The following KATNBL1 variants were observed in gnomAD, a reference collection of about 807,000 sequenced individuals.
KATNBL1 encodes the protein KATNB1-like protein 1.
Under a neutral mutation model 44.7 loss-of-function variants are expected in KATNBL1, and 28 were observed. The observed-to-expected ratio is 0.63, with a 90% CI of 0.46 to 0.86. KATNBL1 has a LOEUF of 0.86. Among genes scored for constraint, KATNBL1 ranks in the 40% least tolerant of loss-of-function variants. KATNBL1 has a pLI of 0.00. For synonymous variants in KATNBL1, 78 were observed against 114.9 expected (o/e 0.68, Z 2.06); for missense variants, 272 against 350.7 (o/e 0.78, Z 1.79).
chr15:34,182,731 C>T lies in KATNBL1; in HGVS notation c.-14-19041G>A, dbSNP rs189709198. On this transcript the variant is annotated intron_variant, in intron 1 of 9. Transcript: ENST00000256544. ...CTGGATAAGTCTCAAATGCATTATA[C>T]TAAGTGAAAGAAGCCAGATTCGAAA... Among the ~76,000 whole-genome samples, 83 of 152,194 alleles carry T rather than the reference C, an allele frequency of 5.5e-4. 2 individuals are homozygous for T. The highest frequency in any genetic ancestry group is 3.4e-3 in the Middle Eastern group (1 of 294).
At chr15:34,155,301 T>C (rs1439061461) in intron 2 of KATNBL1, among the ~76,000 whole-genome samples, 1 of 152,164 alleles carries the variant, frequency 6.6e-6, no homozygotes, top group Non-Finnish European at 1.5e-5. Context: ...GCTGTTCTGC[T>C]TGGTTTTCTA....
At chr15:34,187,309 A>C (rs1889745283) in intron 1 of KATNBL1, among the ~76,000 whole-genome samples, 1 of 152,174 alleles carries the variant, frequency 6.6e-6, no homozygotes, top group Non-Finnish European at 1.5e-5. Flanking sequence ...ACTCAACTGG[A>C]CGACCTGCCT....
chr15:34,206,627 C>A (rs1056737689), intron 1 of KATNBL1, among the ~76,000 whole-genome samples: 1 of 152,030 alleles, frequency 6.6e-6, no homozygotes, highest in African/African-American at 2.4e-5. Context: ...CCCGTCTCAA[C>A]TAAAAATACA....
At chr15:34,174,148 G>C (rs1889253855) in intron 1 of KATNBL1, among the ~76,000 whole-genome samples, 1 of 152,090 alleles carries the variant, frequency 6.6e-6, no homozygotes. Flanking sequence ...TCAAAATACA[G>C]GTAAAGAAAC....
chr15:34,145,280 C>G (rs1247061180), intron 9 of KATNBL1, 118 bp downstream of exon 9: 2 of 1,429,558 alleles, frequency 1.4e-6, no homozygotes, highest in Non-Finnish European at 1.9e-6. Context: ...ATGAAATTGA[C>G]TTTAGACATT....
chr15:34,151,942 CTT>C (rs57229186), intron 4 of KATNBL1, among the ~76,000 whole-genome samples: 39 of 139,388 alleles, frequency 2.8e-4, no homozygotes, highest in Admixed American at 3.6e-4. Context: ...CGGTGGTCCA[CTT>C]TTTTTTTTTT....
rs1888138108 is a variant in KATNBL1 at position 34,141,030 on chromosome 15, A to T, written c.*1309T>A. 1 of 152,178 alleles carries T rather than the reference A, an allele frequency of 6.6e-6. No homozygotes were observed. The highest frequency in any genetic ancestry group is 1.5e-5 in the Non-Finnish European group (1 of 67,990). 9.4% of individuals were successfully genotyped at this position (152,178 alleles called of 1,614,324 possible). A position where few individuals can be genotyped will look rare whatever the true frequency, so the allele number is the denominator to read the frequency against. On this transcript the variant is annotated 3_prime_UTR_variant, in exon 10 of 10. Transcript: ENST00000256544. Reference sequence around the variant, plus strand: ...AGTGCTTGAAGGACTACTGCAGAGAAATTCAATTACTAAAAACCTTTGCTC... The same window carrying T: ...AGTGCTTGAAGGACTACTGCAGAGATATTCAATTACTAAAAACCTTTGCTC...
At position 34,141,392 on chromosome 15, in the gene KATNBL1, A is replaced by G. The variant is rs1888146736; in HGVS notation, c.*947T>C. The G allele has an allele frequency of 6.6e-6, 1 of 152,626 alleles. No individual in the cohort carries two copies. The highest frequency in any genetic ancestry group is 1.5e-5 in the Non-Finnish European group (1 of 68,002). The allele number at this position is 152,626 out of a possible 1,614,324, so 9.5% of individuals were successfully genotyped here. ...ATATAAAATCAGAATTTAAAAAAGC[A>G]AAAAATAGAAATATTTAGTGAATTT... On this transcript the variant is annotated 3_prime_UTR_variant, in exon 10 of 10. Transcript: ENST00000256544.
chr15:34,168,422 C>G (rs942733685), intron 1 of KATNBL1, among the ~76,000 whole-genome samples: 1 of 151,992 alleles, frequency 6.6e-6, no homozygotes, highest in African/African-American at 2.4e-5. Flanking sequence ...AATACAGGAC[C>G]ACCCAGATTC....
intron 1 of KATNBL1, among the ~76,000 whole-genome samples, chr15:34,165,122 C>T (rs74900663): frequency 1.3e-3 from 204 of 152,278 alleles, no homozygotes; most frequent in African/African-American, 4.6e-3. Flanking sequence ...AGTACTCTGA[C>T]AGAAGGTTAC....
intron 2 of KATNBL1, among the ~76,000 whole-genome samples, chr15:34,155,114 A>G (rs1304898456): frequency 6.6e-6 from 1 of 152,224 alleles, no homozygotes; most frequent in Non-Finnish European, 1.5e-5. Context: ...AAACTAGGGC[A>G]AGGAGGTGTA....
chr15:34,156,127 G>A (rs371194841), intron 2 of KATNBL1, among the ~76,000 whole-genome samples: 1 of 152,128 alleles, frequency 6.6e-6, no homozygotes, highest in African/African-American at 2.4e-5. Flanking sequence ...GGTGTATAAG[G>A]GCTGACTGGT....
chr15:34,205,182 C>T (rs887628821), intron 1 of KATNBL1, among the ~76,000 whole-genome samples: 2 of 151,942 alleles, frequency 1.3e-5, no homozygotes, highest in African/African-American at 4.8e-5. Context: ...TTAGTAAAGA[C>T]GGGGTTTCAC....
intron 4 of KATNBL1, among the ~76,000 whole-genome samples, chr15:34,152,355 C>G (rs1004789820): frequency 1.3e-5 from 2 of 152,168 alleles, no homozygotes; most frequent in African/African-American, 2.4e-5. Flanking sequence ...AGGCGCCCCC[C>G]ACCATGCCCG....
At chr15:34,162,939 C>A (rs1251690445) in intron 2 of KATNBL1, among the ~76,000 whole-genome samples, 1 of 151,804 alleles carries the variant, frequency 6.6e-6, no homozygotes, top group Non-Finnish European at 1.5e-5. Flanking sequence ...AGAAAGTATA[C>A]CAGTGCTAAT....
chr15:34,192,403 CAAAAAAAA>C (rs199991134), intron 1 of KATNBL1, among the ~76,000 whole-genome samples: 1 of 107,264 alleles, frequency 9.3e-6, no homozygotes, highest in Admixed American at 1.0e-4. Flanking sequence ...GACTCCATCT[CAAAAAAAA>C]AAAAAAAACA....
intron 4 of KATNBL1, among the ~76,000 whole-genome samples, chr15:34,149,201 T>C (rs1396219749): frequency 6.6e-6 from 1 of 152,174 alleles, no homozygotes; most frequent in Non-Finnish European, 1.5e-5. Context: ...CACAGAACTA[T>C]GTAAGATAAA....
chr15:34,176,346 C>G (rs1015420535), intron 1 of KATNBL1, among the ~76,000 whole-genome samples: 4 of 151,950 alleles, frequency 2.6e-5, no homozygotes, highest in African/African-American at 7.3e-5. Context: ...CCATTGCACT[C>G]CAGCCTGGGT....
At chr15:34,184,576 C>CTTTTTTTTTTTTTT (rs71119942) in intron 1 of KATNBL1, among the ~76,000 whole-genome samples, 14 of 95,258 alleles carry the variant, frequency 1.5e-4, no homozygotes, top group Admixed American at 4.9e-4. Flanking sequence ...CCTAATGTTT[C>CTTTTTTTTTTTTTT]TTTTTTTTTT....
Sources: gnomAD v4.1 joint callset for allele counts (sites outside exome capture counted in the v4.1 genomes callset) on GRCh38, gnomAD v4.1.1 for gene constraint, MANE v1.5 for transcripts, NCBI Gene and HGNC (gene_info 2026-07-23, HGNC 2026-07-21) for gene names.